Variants in FIGNL2 observed in about 807,000 individuals in gnomAD.
FIGNL2 encodes fidgetin like 2.
For missense variants in FIGNL2, 1,060 were observed against 950.2 expected, an observed-to-expected ratio of 1.12 and a Z score of -1.52; for synonymous variants, 565 against 484.0, an observed-to-expected ratio of 1.17 and a Z score of -2.20.
chr12:51,847,238 C>G, intron 1 of FIGNL2: 1 of 985,434 alleles, frequency 1.0e-6, no homozygotes, highest in Non-Finnish European at 1.2e-6. Context: ...GGGACTCCCT[C>G]TGCAGGGTCA....
chr12:51,837,234 C>T lies in FIGNL2; in HGVS notation c.-12+11306G>A, dbSNP rs966889171. On this transcript the variant is annotated intron_variant, in intron 1 of 1. Coordinates refer to ENST00000618634, the MANE Select transcript of FIGNL2 (RefSeq NM_001384995.1). ...GATCCATAAAATCCCAATTTACACA[C>T]TCACTGATCAAACAGCCCATCTACT... Among the ~76,000 whole-genome samples the T allele has an allele frequency of 2.0e-5, 3 of 152,150 alleles. No individual in the cohort carries two copies. In the East Asian group the frequency reaches 5.8e-4, roughly 29 times the overall value.
intron 1 of FIGNL2, chr12:51,825,764 C>T (rs1274437461): frequency 6.6e-6 from 1 of 151,840 alleles, no homozygotes; most frequent in Admixed American, 6.6e-5. Flanking sequence ...CTACAGGCGC[C>T]CGCTACCACG....
intron 1 of FIGNL2, among the ~76,000 whole-genome samples, chr12:51,839,589 A>G (rs986099443): frequency 1.1e-4 from 16 of 152,182 alleles, no homozygotes; most frequent in Non-Finnish European, 2.1e-4. Flanking sequence ...GCCTGGCACC[A>G]GAGGTGGATG....
intron 1 of FIGNL2, among the ~76,000 whole-genome samples, chr12:51,844,371 C>A (rs915227929): frequency 6.6e-6 from 1 of 152,204 alleles, no homozygotes; most frequent in Admixed American, 6.5e-5. Flanking sequence ...CAAAGGCTGA[C>A]ACTGTCCATA....
chr12:51,839,635 G>C (rs570861950), intron 1 of FIGNL2, among the ~76,000 whole-genome samples: 1 of 152,154 alleles, frequency 6.6e-6, no homozygotes, highest in Non-Finnish European at 1.5e-5. Flanking sequence ...GCCCTTTCCA[G>C]CTCCTCCAGT....
At chr12:51,847,551 C>T in intron 1 of FIGNL2, 18 of 985,450 alleles carry the variant, frequency 1.8e-5, no homozygotes, top group Non-Finnish European at 1.9e-5. Context: ...GTGACCGTCC[C>T]TTTAACAGCC....
intron 1 of FIGNL2, chr12:51,825,849 C>T (rs1320249737): frequency 5.3e-5 from 8 of 151,966 alleles, no homozygotes; most frequent in African/African-American, 1.9e-4. Context: ...ATCTCCTGAC[C>T]TCGTGATCCG....
rs543793029 is a variant in FIGNL2, at chr12:51,848,316, G to C, written c.-12+224C>G. ...GTCGGCGGCCGGGCGGCTATCCCCTGCTCTGCCCGCCCCCTCCCCCCGAGA... is the reference window on the plus strand; with the variant it reads ...GTCGGCGGCCGGGCGGCTATCCCCTCCTCTGCCCGCCCCCTCCCCCCGAGA... On this transcript the variant is annotated intron_variant, in intron 1 of 1. Coordinates refer to ENST00000618634, the MANE Select transcript of FIGNL2 (RefSeq NM_001384995.1). The C allele has an allele frequency of 4.8e-4, 468 of 983,926 alleles. 3 individuals are homozygous for C. The African/African-American group carries it at 7.2e-3, about 15-fold the overall frequency. 60.9% of individuals were successfully genotyped at this position (983,926 alleles called of 1,614,324 possible).
rs940938835 is a variant in FIGNL2, at chr12:51,818,576, C to G, written c.*1876G>C. On this transcript the variant is annotated 3_prime_UTR_variant, in exon 2 of 2. Transcript: ENST00000618634. Reference sequence around the variant, plus strand: ...ACAGAGCAGCCTTCTGGTCAGCACTCCTAGGCCAGCACAGGCCCTGGGTGC... The same window carrying G: ...ACAGAGCAGCCTTCTGGTCAGCACTGCTAGGCCAGCACAGGCCCTGGGTGC... The G allele has an allele frequency of 6.6e-6, 1 of 152,410 alleles. No individual in the cohort carries two copies. Among genetic ancestry groups the G allele is most frequent in the African/African-American group, 2.4e-5 (1 of 41,404 alleles). 9.4% of individuals were successfully genotyped at this position (152,410 alleles called of 1,614,324 possible). A position where few individuals can be genotyped will look rare whatever the true frequency, so the allele number is the denominator to read the frequency against.
At chr12:51,830,693 A>G (rs938064904) in intron 1 of FIGNL2, among the ~76,000 whole-genome samples, 1 of 151,920 alleles carries the variant, frequency 6.6e-6, no homozygotes, top group South Asian at 2.1e-4. Context: ...GGGTTTCACC[A>G]TGTTGGCCAG....
chr12:51,848,688 T>A lies in FIGNL2; in HGVS notation c.-160A>T. 3.1e-6 allele frequency: 1 copy of A among 322,282 alleles called. No individual in the cohort carries two copies. The highest frequency in any genetic ancestry group is 4.5e-6 in the Non-Finnish European group (1 of 223,866). 20.0% of individuals were successfully genotyped at this position (322,282 alleles called of 1,614,324 possible). On this transcript the variant is annotated 5_prime_UTR_variant, in exon 1 of 2. Coordinates refer to ENST00000618634, the MANE Select transcript of FIGNL2 (RefSeq NM_001384995.1). ...ATCCTGGAGCCGCTGCTGCTGCGGCTGCTGCGGCCGCCGCGGGCGGGAGCG... is the reference window on the plus strand; with the variant it reads ...ATCCTGGAGCCGCTGCTGCTGCGGCAGCTGCGGCCGCCGCGGGCGGGAGCG...
At chr12:51,825,565 T>C (rs1939322041) in intron 1 of FIGNL2, among the ~76,000 whole-genome samples, 1 of 150,860 alleles carries the variant, frequency 6.6e-6, no homozygotes, top group Non-Finnish European at 1.5e-5. Flanking sequence ...TCTCCTCTAC[T>C]CCACAGCTCA....
intron 1 of FIGNL2, among the ~76,000 whole-genome samples, chr12:51,830,288 CAAA>C (rs554525207): frequency 9.2e-5 from 12 of 130,798 alleles, no homozygotes; most frequent in Non-Finnish European, 1.8e-4. Flanking sequence ...GTCTCCATCT[CAAA>C]AAAAAAAAGA....
intron 1 of FIGNL2, chr12:51,847,878 G>T: frequency 1.0e-6 from 1 of 965,236 alleles, no homozygotes; most frequent in Non-Finnish European, 1.2e-6. Context: ...CCCCCTTGTT[G>T]CCTGTAGCCC....
Position 51,821,518 on chromosome 12 carries a change from G to T in FIGNL2, c.896C>A (p.Ala299Glu). The T allele has an allele frequency of 1.3e-6, 2 of 1,567,274 alleles. No homozygotes were observed. Among genetic ancestry groups the T allele is most frequent in the African/African-American group, 1.4e-5 (1 of 72,346 alleles). ...PVADGASYPA[A>E]DNGECRGNGF... The stretch of plus-strand genomic sequence containing the variant: ...GTTGCCCCGACATTCGCCGTTGTCC[G>T]CGGCGGGGTAGGAGGCTCCGTCAGC... The change falls in exon 2 of 2, where the codon GCG (alanine) becomes GAG (glutamate). Residue 299 changes from alanine (A) to glutamate (E), a missense_variant. Coordinates refer to ENST00000618634, the MANE Select transcript of FIGNL2 (RefSeq NM_001384995.1).
rs557518262 is a variant in FIGNL2 at position 51,818,439 on chromosome 12, G to A, written c.*2013C>T. Reference sequence around the variant, plus strand: ...CCCTCACTCCATGCTCCCTCCGAGGGTCTTTTGCAGCCTGCGGCTGTGACC... The same window carrying A: ...CCCTCACTCCATGCTCCCTCCGAGGATCTTTTGCAGCCTGCGGCTGTGACC... On this transcript the variant is annotated 3_prime_UTR_variant, in exon 2 of 2. Transcript: ENST00000618634. The A allele has an allele frequency of 3.9e-5, 6 of 152,248 alleles. No homozygotes were observed. The East Asian group carries it at 1.2e-3, about 29-fold the overall frequency. 9.4% of individuals were successfully genotyped at this position (152,248 alleles called of 1,614,324 possible).
intron 1 of FIGNL2, among the ~76,000 whole-genome samples, chr12:51,832,876 T>TC (rs1013325041): frequency 1.3e-5 from 2 of 152,098 alleles, no homozygotes; most frequent in Non-Finnish European, 2.9e-5. Flanking sequence ...CCCTCAGCCT[T>TC]CCCCACTGCA....
At chr12:51,838,092 G>T (rs1031321433) in intron 1 of FIGNL2, 1 of 152,376 alleles carries the variant, frequency 6.6e-6, no homozygotes, top group African/African-American at 2.4e-5. Context: ...CGGGGAAAGC[G>T]AGTCTTTGGG....
chr12:51,820,196 T>G lies in FIGNL2; in HGVS notation c.*256A>C, dbSNP rs1453906963. 7 of 493,462 alleles carry G rather than the reference T, an allele frequency of 1.4e-5. No individual in the cohort carries two copies. The highest frequency in any genetic ancestry group is 1.2e-4 in the African/African-American group (6 of 48,354). 30.6% of individuals were successfully genotyped at this position (493,462 alleles called of 1,614,324 possible). A position where few individuals can be genotyped will look rare whatever the true frequency, so the allele number is the denominator to read the frequency against. On this transcript the variant is annotated 3_prime_UTR_variant, in exon 2 of 2. Coordinates refer to ENST00000618634, the MANE Select transcript of FIGNL2 (RefSeq NM_001384995.1). ...CAGCCCATGCCGGATCTGCCCGGTCTGCCGGGCGGAGATGGCGAGCTTCCA... is the reference window on the plus strand; with the variant it reads ...CAGCCCATGCCGGATCTGCCCGGTCGGCCGGGCGGAGATGGCGAGCTTCCA...
Sources: allele counts gnomAD v4.1 joint callset (sites outside exome capture counted in the v4.1 genomes callset), GRCh38; gene constraint gnomAD v4.1.1; transcripts MANE v1.5; gene names NCBI Gene and HGNC (gene_info 2026-07-23, HGNC 2026-07-21).